SYNJ2: variants seen among roughly 807,000 people sequenced by gnomAD.
SYNJ2 encodes the protein synaptojanin 2, also known as polyphosphatidylinositol phosphatase SYNJ2.
Under a neutral mutation model 141.3 loss-of-function variants are expected in SYNJ2, and 116 were observed. The ratio of observed to expected loss-of-function variants is 0.82; its 90% confidence interval spans 0.71 to 0.96. SYNJ2 has a LOEUF of 0.96. Ranked by LOEUF, SYNJ2 falls within the 40% of genes least tolerant of loss-of-function variation. The pLI, the probability that SYNJ2 is intolerant of heterozygous loss-of-function variation, is 0.00. For synonymous variants in SYNJ2, 745 were observed against 777.7 expected (o/e 0.96, Z 0.70); for missense variants, 1,873 against 1,934.8 (o/e 0.97, Z 0.60).
In SYNJ2 at chr6:158,084,698, GC is replaced by G. The variant is rs1407115169; in HGVS notation, c.3208+525del. ...GGTGGTGCACATGCCTGTAATCCCA[GC>G]TACTCAGGCAGCTGAAGCAGGAGAA... is the stretch of plus-strand genomic sequence containing the variant. On this transcript the variant is annotated intron_variant, in intron 22 of 26. Coordinates refer to ENST00000355585, the MANE Select transcript of SYNJ2 (RefSeq NM_003898.4). This position sits in a 1 kb window ranked among gnomAD's most constrained non-coding sequence, Gnocchi z 5.0. Among the ~76,000 whole-genome samples the G allele has an allele frequency of 6.6e-6, 1 of 152,066 alleles. No individual in the cohort carries two copies. The highest frequency in any genetic ancestry group is 1.5e-5 in the Non-Finnish European group (1 of 68,034).
intron 6 of SYNJ2, among the ~76,000 whole-genome samples, chr6:158,055,309 G>A (rs1458638222): frequency 6.6e-6 from 1 of 152,096 alleles, no homozygotes; most frequent in Non-Finnish European, 1.5e-5. Flanking sequence ...TCTATGCCCT[G>A]GTTAATAAGG....
Position 158,095,820 on chromosome 6 carries a change from G to A in SYNJ2, c.3947G>A (p.Gly1316Glu), listed in dbSNP as rs753347831. ...TCAGACGAAGCCCCTCCTGGGGCAGGAGCCTCTGTGCCACCACCTCTGGAG... is the reference window on the plus strand; with the variant it reads ...TCAGACGAAGCCCCTCCTGGGGCAGAAGCCTCTGTGCCACCACCTCTGGAG... ...PASDEAPPGA[G>E]ASVPPPLEAP... Residue 1316 changes from glycine (G) to glutamate (E), a missense_variant, in exon 27 of 27, where the codon GGA becomes GAA. By Grantham distance (98) the Gly-to-Glu change is moderately conservative. Coordinates refer to ENST00000355585, the MANE Select transcript of SYNJ2 (RefSeq NM_003898.4). The A allele has an allele frequency of 1.2e-6, 2 of 1,614,184 alleles. No individual in the cohort carries two copies. Among genetic ancestry groups the A allele is most frequent in the Non-Finnish European group, 1.7e-6 (2 of 1,180,026 alleles).
At chr6:158,064,534 C>G (rs1781437117) in intron 9 of SYNJ2, 67 bp from the exon 10 acceptor site, 1 of 1,588,386 alleles carries the variant, frequency 6.3e-7, no homozygotes, top group Non-Finnish European at 8.6e-7. Flanking sequence ...TAAGGAACCT[C>G]CTGGGACAGT....
At chr6:158,068,829 A>T in intron 13 of SYNJ2, 101 bp downstream of exon 13, 1 of 1,307,390 alleles carries the variant, frequency 7.6e-7, no homozygotes, top group Non-Finnish European at 1.1e-6. Flanking sequence ...CCTGCTTCTG[A>T]GCCAGCTAAG....
At chr6:157,991,455 C>A (rs1421745850) in intron 1 of SYNJ2, among the ~76,000 whole-genome samples, 2 of 152,166 alleles carry the variant, frequency 1.3e-5, no homozygotes, top group African/African-American at 4.8e-5. Flanking sequence ...GATCTCGCAT[C>A]AGCTTGGGAG....
rs749562600 is a variant in SYNJ2, at chr6:158,084,141, C to G, written c.3175C>G (p.Leu1059Val). 1.1e-5 allele frequency: 18 copies of G among 1,613,994 alleles called. No individual in the cohort carries two copies. The highest frequency in any genetic ancestry group is 1.5e-5 in the Non-Finnish European group (18 of 1,180,024). Residue 1059 changes from leucine to valine, a missense_variant, in exon 22 of 27, where the codon CTC becomes GTC. Physicochemically the swap from Leu to Val is conservative, Grantham distance 32. Coordinates refer to ENST00000355585, the MANE Select transcript of SYNJ2 (RefSeq NM_003898.4). This position sits in a 1 kb window ranked among gnomAD's most constrained non-coding sequence, Gnocchi z 5.0. ...GGCTCCTCCCAGCAAGTCACCTGCTCTCACCAAAAAGAAGCAGCATCCAAC... is the reference window on the plus strand; with the variant it reads ...GGCTCCTCCCAGCAAGTCACCTGCTGTCACCAAAAAGAAGCAGCATCCAAC... Reference protein sequence around the residue: ...ALAPPSKSPALTKKKQHPTYK... With the variant: ...ALAPPSKSPAVTKKKQHPTYK...
Position 158,070,103 on chromosome 6 carries a change from T to C in SYNJ2, c.1940+430T>C. 1 of 973,232 alleles carries C rather than the reference T, an allele frequency of 1.0e-6. No individual in the cohort carries two copies. Among genetic ancestry groups the C allele is most frequent in the Non-Finnish European group, 1.2e-6 (1 of 818,598 alleles). The allele number at this position is 973,232 out of a possible 1,614,324, so 60.3% of individuals were successfully genotyped here. The stretch of plus-strand genomic sequence containing the variant: ...CTACAACTGTGACCTCATTGTCATT[T>C]CTCCAAGGTGCATGCTTTGTGAGCA... On this transcript the variant is annotated intron_variant, in intron 14 of 26. Coordinates refer to ENST00000355585, the MANE Select transcript of SYNJ2 (RefSeq NM_003898.4). This position sits in a 1 kb window ranked among gnomAD's most constrained non-coding sequence, Gnocchi z 4.0.
rs890216639 is a variant in SYNJ2 at position 158,096,526 on chromosome 6, G to A, written c.*162G>A. ...AAAAATCGTGTCTCTTATTCAGTAA[G>A]ATGGTTACTCAGCCACCAAAATATA... On this transcript the variant is annotated 3_prime_UTR_variant, in exon 27 of 27. Transcript: ENST00000355585. 19 of 747,038 alleles carry A rather than the reference G, an allele frequency of 2.5e-5. No homozygotes were observed. In the African/African-American group the frequency reaches 3.4e-4, roughly 13 times the overall value. 46.3% of individuals were successfully genotyped at this position (747,038 alleles called of 1,614,324 possible). A position where few individuals can be genotyped will look rare whatever the true frequency, so the allele number is the denominator to read the frequency against.
intron 5 of SYNJ2, among the ~76,000 whole-genome samples, chr6:158,054,161 T>C (rs537702656): frequency 2.2e-5 from 3 of 133,400 alleles, no homozygotes; most frequent in Admixed American, 7.3e-5. Context: ...ATCCATCCAC[T>C]CAGCTATCCA....
intron 11 of SYNJ2, 99 bp from the exon 12 acceptor site, chr6:158,066,345 T>C: frequency 7.2e-7 from 1 of 1,388,494 alleles, no homozygotes; most frequent in Non-Finnish European, 1.0e-6. Context: ...TAGAGGCTCA[T>C]GAACCATCTG....
chr6:158,027,021 A>T lies in SYNJ2; in HGVS notation c.215-1735A>T, dbSNP rs1779083279. ...GATGTGTCTGGGGAGATGTGATGGGATCAACCCCCTGCCCTGCTGGCAGCC... is the reference window on the plus strand; with the variant it reads ...GATGTGTCTGGGGAGATGTGATGGGTTCAACCCCCTGCCCTGCTGGCAGCC... On this transcript the variant is annotated intron_variant, in intron 2 of 26. Transcript: ENST00000355585. This position sits in a 1 kb window ranked among gnomAD's most constrained non-coding sequence, Gnocchi z 4.6. 1.0e-6 allele frequency: 1 copy of T among 985,188 alleles called. No homozygotes were observed. The highest frequency in any genetic ancestry group is 6.2e-5 in the Admixed American group (1 of 16,258). The allele number at this position is 985,188 out of a possible 1,614,324, so 61.0% of individuals were successfully genotyped here. A position where few individuals can be genotyped will look rare whatever the true frequency, so the allele number is the denominator to read the frequency against.
intron 19 of SYNJ2, 44 bp from the exon 20 acceptor site, chr6:158,081,388 G>A (rs1782671279): frequency 1.2e-6 from 2 of 1,613,076 alleles, no homozygotes; most frequent in Admixed American, 1.7e-5. Context: ...CGTGAGAGCT[G>A]CCAGGTCGTT....
chr6:158,087,064 G>C lies in SYNJ2; in HGVS notation c.3343+75G>C, dbSNP rs1383103361. The C allele has an allele frequency of 6.6e-6, 10 of 1,521,794 alleles. No homozygotes were observed. In the Admixed American group the frequency reaches 1.1e-4, roughly 17 times the overall value. The allele number at this position is 1,521,794 out of a possible 1,614,324, so 94.3% of individuals were successfully genotyped here. ...GCGCGTTCCCTGCTACTGAAAACACGGCTCCGAATCCACTTCTCCCCGGCC... is the reference window on the plus strand; with the variant it reads ...GCGCGTTCCCTGCTACTGAAAACACCGCTCCGAATCCACTTCTCCCCGGCC... On this transcript the variant is annotated intron_variant, in intron 23 of 26. Transcript: ENST00000355585.
chr6:158,065,334 G>A (rs1460186055), intron 11 of SYNJ2, among the ~76,000 whole-genome samples: 5 of 152,164 alleles, frequency 3.3e-5, no homozygotes, highest in African/African-American at 1.2e-4. Flanking sequence ...GGGCTCTTGG[G>A]CCCTTAGCAG....
chr6:158,057,079 C>T (rs969134948), intron 6 of SYNJ2, among the ~76,000 whole-genome samples: 2 of 152,080 alleles, frequency 1.3e-5, no homozygotes, highest in Non-Finnish European at 2.9e-5. Flanking sequence ...GCTCTGCGGG[C>T]GGCTGCTGTG....
At chr6:158,047,774 CAAAAAAAAAAAA>C (rs58147972) in intron 5 of SYNJ2, among the ~76,000 whole-genome samples, 17 of 32,384 alleles carry the variant, frequency 5.2e-4, no homozygotes, top group African/African-American at 1.1e-3. Flanking sequence ...GCGACTCTGT[CAAAAAAAAAAAA>C]AAAAAAAAAA....
intron 23 of SYNJ2, 120 bp from the exon 24 acceptor site, chr6:158,088,540 G>A (rs112866119): frequency 1.1e-4 from 77 of 723,218 alleles, no homozygotes; most frequent in African/African-American, 1.0e-3. Flanking sequence ...GTGAGTATTC[G>A]GACCTCACCG....
intron 4 of SYNJ2, among the ~76,000 whole-genome samples, chr6:158,034,199 C>T (rs1481175468): frequency 6.6e-6 from 1 of 152,226 alleles, no homozygotes; most frequent in Non-Finnish European, 1.5e-5. Flanking sequence ...TAGCCATCTG[C>T]TTAATTTCTC....
chr6:158,033,410 G>A, intron 3 of SYNJ2, 45 bp from the exon 4 acceptor site: 4 of 1,595,412 alleles, frequency 2.5e-6, no homozygotes, highest in Non-Finnish European at 3.4e-6. Flanking sequence ...GCATGTATTG[G>A]AGGATGTCAA....
Sources: gnomAD v4.1 joint callset for allele counts (sites outside exome capture counted in the v4.1 genomes callset) on GRCh38, gnomAD v4.1.1 for gene constraint, Gnocchi (gnomAD v3.1) non-coding constraint, MANE v1.5 for transcripts, NCBI Gene and HGNC (gene_info 2026-07-23, HGNC 2026-07-21) for gene names.